Variants in ADD2 observed in about 807,000 individuals in gnomAD.
ADD2 encodes the protein adducin 2.
Under a neutral mutation model 83.0 loss-of-function variants are expected in ADD2, and 23 were observed. The ratio of observed to expected loss-of-function variants is 0.28; its 90% CI spans 0.20 to 0.39. ADD2 has a LOEUF of 0.39. Among genes scored for constraint, ADD2 ranks in the 10% least tolerant of loss-of-function variants. The probability of loss-of-function intolerance (pLI) is 1.00; values close to 1 mark genes in which losing one functional copy is unlikely to be tolerated. For synonymous variants in ADD2, 375 were observed against 375.4 expected (o/e 1.00, Z 0.01); for missense variants, 758 against 944.9 (o/e 0.80, Z 2.59).
intron 5 of ADD2, 92 bp from the exon 6 acceptor site, chr2:70,695,893 C>T (rs1553372531): frequency 2.7e-6 from 3 of 1,110,788 alleles, no homozygotes; most frequent in Non-Finnish European, 4.0e-6. Flanking sequence ...CCTGAATCTA[C>T]TGCACCCAAG....
intron 2 of ADD2, among the ~76,000 whole-genome samples, chr2:70,708,571 A>G (rs2104394932): frequency 6.6e-6 from 1 of 152,168 alleles, no homozygotes; most frequent in Middle Eastern, 3.4e-3. Flanking sequence ...ATGGCACAAA[A>G]CCTCACATAA....
intron 6 of ADD2, 73 bp from the exon 7 acceptor site, chr2:70,692,625 G>T: frequency 6.1e-6 from 9 of 1,465,154 alleles, no homozygotes; most frequent in Non-Finnish European, 8.2e-6. Context: ...CAGCTGGTGG[G>T]CCCAGCATGT....
In ADD2 at chr2:70,674,837, C is replaced by A; in HGVS notation, c.1594-12G>T. On this transcript the variant is annotated splice_polypyrimidine_tract_variant and intron_variant, in intron 13 of 15. Coordinates refer to ENST00000264436, the MANE Select transcript of ADD2 (RefSeq NM_001617.4). ...TGGCTCTCTGTAGACTGAAAGTTAA[C>A]CACAGAGGGTGTGTCGCTCTCTGAA... 1 of 1,611,860 alleles carries A rather than the reference C, an allele frequency of 6.2e-7. No homozygotes were observed. Among genetic ancestry groups the A allele is most frequent in the Non-Finnish European group, 8.5e-7 (1 of 1,179,042 alleles).
At chr2:70,704,263 T>TGCCCCCCCCCCCCCACCCCC in intron 4 of ADD2, 58 bp downstream of exon 4, 1 of 913,238 alleles carries the variant, frequency 1.1e-6, no homozygotes, top group Non-Finnish European at 1.7e-6. Context: ...CTCCCTCTCT[T>TGCCCCCCCCCCCCCACCCCC]CCCCACCCCA....
At chr2:70,677,723 G>A (rs781922267) in intron 12 of ADD2, 35 bp downstream of exon 12, 2 of 1,606,418 alleles carry the variant, frequency 1.2e-6, no homozygotes, top group Non-Finnish European at 1.7e-6. Flanking sequence ...CCCAGTGTGG[G>A]AGAAGAAAGA....
chr2:70,716,202 C>T (rs1672458884), intron 1 of ADD2, among the ~76,000 whole-genome samples: 1 of 152,102 alleles, frequency 6.6e-6, no homozygotes, highest in Admixed American at 6.5e-5. Flanking sequence ...CGATGCCCAG[C>T]TGGGAGCTGT....
At chr2:70,701,728 T>C (rs940503370) in intron 4 of ADD2, among the ~76,000 whole-genome samples, 2 of 152,208 alleles carry the variant, frequency 1.3e-5, no homozygotes, top group South Asian at 2.1e-4. Context: ...CAATTTATCT[T>C]AAATGAGAAC....
rs1350454542 is a variant in ADD2 at position 70,692,499 on chromosome 2, T to C, written c.609A>G (p.Pro203=). 1 of 1,613,060 alleles carries C rather than the reference T, an allele frequency of 6.2e-7. No homozygotes were observed. The highest frequency in any genetic ancestry group is 2.2e-5 in the East Asian group (1 of 44,836). ...GCAGACAGAAGCCTGTGGTGTCCACTGGGAAGCAGCTGCTGCCCTTCTCCA... is the reference window on the plus strand; with the variant it reads ...GCAGACAGAAGCCTGTGGTGTCCACCGGGAAGCAGCTGCTGCCCTTCTCCA... ...EVVEKGSSCF[P]VDTTGFCLHS... The change falls in exon 7 of 16, where the codon CCA becomes CCG. Residue 203 remains proline (P), a synonymous_variant. Coordinates refer to ENST00000264436, the MANE Select transcript of ADD2 (RefSeq NM_001617.4).
At position 70,676,496 on chromosome 2, in the gene ADD2, A is replaced by C; in HGVS notation, c.1593+300T>G. 1 of 1,347,058 alleles carries C rather than the reference A, an allele frequency of 7.4e-7. No individual in the cohort carries two copies. 83.4% of individuals were successfully genotyped at this position (1,347,058 alleles called of 1,614,324 possible). On this transcript the variant is annotated intron_variant, in intron 13 of 15. Coordinates refer to ENST00000264436, the MANE Select transcript of ADD2 (RefSeq NM_001617.4). This position sits in a 1 kb window ranked among gnomAD's most constrained non-coding sequence, Gnocchi z 4.8. ...TGAGTCCCCACTTCACGGGGTAGTA[A>C]GGGAGGACAGAGTGGAGTTCCATGG...
Position 70,666,169 on chromosome 2 carries a change from C to A in ADD2, c.1871-2434G>T, listed in dbSNP as rs1007284203. Among the ~76,000 whole-genome samples the A allele has an allele frequency of 2.0e-5, 3 of 152,292 alleles. No homozygotes were observed. The East Asian group carries it at 5.8e-4, about 29-fold the overall frequency. ...CCTTCTACACTGAAATGAATTAGGG[C>A]AAAATTGTGTCTAATGACCTATGTC... is the stretch of plus-strand genomic sequence containing the variant. On this transcript the variant is annotated intron_variant, in intron 15 of 15. Coordinates refer to ENST00000264436, the MANE Select transcript of ADD2 (RefSeq NM_001617.4).
At chr2:70,725,560 G>A (rs533981420) in intron 1 of ADD2, among the ~76,000 whole-genome samples, 2 of 152,206 alleles carry the variant, frequency 1.3e-5, no homozygotes, top group East Asian at 1.9e-4. Context: ...CCCTTCACAA[G>A]TGTCCTTATA....
At chr2:70,713,648 A>G (rs1454413006) in intron 1 of ADD2, among the ~76,000 whole-genome samples, 2 of 152,160 alleles carry the variant, frequency 1.3e-5, no homozygotes, top group Non-Finnish European at 2.9e-5. Flanking sequence ...TTATCTTTAC[A>G]ATTGGGATCA....
At position 70,752,151 on chromosome 2, in the gene ADD2, G is replaced by A. The variant is rs549150956; in HGVS notation, c.-154+15735C>T. On this transcript the variant is annotated intron_variant, in intron 1 of 15. Transcript: ENST00000264436. Reference sequence around the variant, plus strand: ...TGCAATGTCATTGGTGCCTAACAAGGACACAGAAACCCTAATTCTCTAAGC... The same window carrying A: ...TGCAATGTCATTGGTGCCTAACAAGAACACAGAAACCCTAATTCTCTAAGC... Among the ~76,000 whole-genome samples the A allele has an allele frequency of 2.1e-4, 32 of 152,194 alleles. No individual in the cohort carries two copies. The South Asian group carries it at 6.6e-3, about 32-fold the overall frequency.
intron 1 of ADD2, among the ~76,000 whole-genome samples, chr2:70,751,700 A>G (rs571590412): frequency 6.6e-6 from 1 of 152,188 alleles, no homozygotes; most frequent in African/African-American, 2.4e-5. Flanking sequence ...ATTCTTTTAG[A>G]CTTTGGTCAT....
At chr2:70,720,358 T>G (rs1037141545) in intron 1 of ADD2, among the ~76,000 whole-genome samples, 1 of 151,102 alleles carries the variant, frequency 6.6e-6, no homozygotes, top group Non-Finnish European at 1.5e-5. Context: ...CATGGGGAAC[T>G]GCTGGCCTCC....
chr2:70,726,791 G>C (rs1025642702), intron 1 of ADD2, among the ~76,000 whole-genome samples: 1 of 152,148 alleles, frequency 6.6e-6, no homozygotes, highest in Admixed American at 6.5e-5. Flanking sequence ...CCCAGGTTTG[G>C]GGAGGTAGCT....
chr2:70,683,189 A>T (rs1400949157), intron 10 of ADD2, among the ~76,000 whole-genome samples: 1 of 150,340 alleles, frequency 6.7e-6, no homozygotes, highest in Non-Finnish European at 1.5e-5. Flanking sequence ...ATGCCCAGCT[A>T]ATTTTTTGTA....
At chr2:70,726,226 T>G (rs1272622157) in intron 1 of ADD2, among the ~76,000 whole-genome samples, 2 of 139,374 alleles carry the variant, frequency 1.4e-5, no homozygotes, top group Non-Finnish European at 3.1e-5. Context: ...TGTATTGTCA[T>G]CAGCAGCACC....
In ADD2 at chr2:70,705,172, C is replaced by A. The variant is rs372179843; in HGVS notation, c.184-713G>T. ...GCCGCCTCTCCTAACCCCCTTGCCACCCCTCCTAGTCACACTCTGGGGGTT... is the reference window on the plus strand; with the variant it reads ...GCCGCCTCTCCTAACCCCCTTGCCAACCCTCCTAGTCACACTCTGGGGGTT... On this transcript the variant is annotated intron_variant, in intron 3 of 15. Transcript: ENST00000264436. Among the ~76,000 whole-genome samples, 13 of 152,322 alleles carry A rather than the reference C, an allele frequency of 8.5e-5. No individual in the cohort carries two copies. The East Asian group carries it at 2.5e-3, about 29-fold the overall frequency.
Sources: allele counts gnomAD v4.1 joint callset (sites outside exome capture counted in the v4.1 genomes callset), GRCh38; gene constraint gnomAD v4.1.1; non-coding constraint Gnocchi (gnomAD v3.1); transcripts MANE v1.5; gene names NCBI Gene and HGNC (gene_info 2026-07-23, HGNC 2026-07-21).